SUGCT: variants seen among roughly 807,000 people sequenced by gnomAD.
The protein encoded by SUGCT is succinyl-CoA:glutarate-CoA transferase.
SUGCT carries 41 observed loss-of-function variants against 55.0 expected under a neutral mutation model. The observed-to-expected ratio is 0.74, with a 90% CI of 0.58 to 0.97. SUGCT has a LOEUF of 0.97. Ranked by LOEUF, SUGCT falls within the 50% of genes least tolerant of loss-of-function variation. The pLI is 0.00. For synonymous variants in SUGCT, 187 were observed against 200.4 expected (o/e 0.93, Z 0.56); for missense variants, 568 against 547.8 (o/e 1.04, Z -0.37).
At chr7:40,414,077 T>C (rs1013282377) in intron 9 of SUGCT, among the ~76,000 whole-genome samples, 3 of 152,208 alleles carry the variant, frequency 2.0e-5, no homozygotes, top group African/African-American at 7.2e-5. Context: ...CATTATTTTA[T>C]ATGTGAATAA....
intron 12 of SUGCT, among the ~76,000 whole-genome samples, chr7:40,577,735 AC>A: frequency 6.6e-6 from 1 of 151,902 alleles, no homozygotes; most frequent in Non-Finnish European, 1.5e-5. Context: ...TTTCCAGTAT[AC>A]TTTTTTTTTA....
chr7:40,728,987 T>C (rs1786751725), intron 12 of SUGCT, among the ~76,000 whole-genome samples: 1 of 152,238 alleles, frequency 6.6e-6, no homozygotes, highest in Admixed American at 6.5e-5. Flanking sequence ...TATTTACAGA[T>C]AATTAAACCA....
intron 12 of SUGCT, among the ~76,000 whole-genome samples, chr7:40,582,440 A>T (rs1012924965): frequency 2.0e-5 from 3 of 152,182 alleles, no homozygotes; most frequent in African/African-American, 7.2e-5. Flanking sequence ...CACTATTATA[A>T]TTGAGGCACA....
At chr7:40,284,532 C>T (rs369193503) in intron 8 of SUGCT, among the ~76,000 whole-genome samples, 70 of 148,362 alleles carry the variant, frequency 4.7e-4, no homozygotes, top group African/African-American at 1.1e-3. Context: ...TGCTTGAACC[C>T]GGGAGACAGC....
rs551237693 is a variant in SUGCT, at chr7:40,435,209, T to C, written c.817-14078T>C. Among the ~76,000 whole-genome samples the C allele has an allele frequency of 1.2e-3, 189 of 152,276 alleles. 1 individual carries two copies. The highest frequency in any genetic ancestry group is 4.3e-3 in the African/African-American group (180 of 41,566). On this transcript the variant is annotated intron_variant, in intron 9 of 13. Transcript: ENST00000335693. ...TGGCCATGGTAAGAAGAATGAGAAG[T>C]ATCTAATAAGAAGGACTGAGGTCCT...
chr7:40,199,989 G>T (rs925275328), intron 6 of SUGCT, among the ~76,000 whole-genome samples: 2 of 152,174 alleles, frequency 1.3e-5, no homozygotes, highest in African/African-American at 4.8e-5. Flanking sequence ...ACCCTGGGGA[G>T]TGGGGAGGTA....
At chr7:40,831,034 A>G (rs1792638634) in intron 13 of SUGCT, among the ~76,000 whole-genome samples, 1 of 152,150 alleles carries the variant, frequency 6.6e-6, no homozygotes, top group Non-Finnish European at 1.5e-5. Flanking sequence ...AATTTTGGAG[A>G]TGAGAAAGCT....
At chr7:40,323,948 C>G (rs960163582) in intron 9 of SUGCT, among the ~76,000 whole-genome samples, 2 of 151,898 alleles carry the variant, frequency 1.3e-5, no homozygotes, top group African/African-American at 4.8e-5. Context: ...GAGATGACTA[C>G]CTCACATCTT....
At position 40,522,535 on chromosome 7, in the gene SUGCT, C is replaced by T. The variant is rs145930912; in HGVS notation, c.1089+26149C>T. ...ATCATACTATCCCTGAAAAGAGAAA[C>T]GATGTGTTTTCTGTCTCCTCACTTG... On this transcript the variant is annotated intron_variant, in intron 12 of 13. Coordinates refer to ENST00000335693, the MANE Select transcript of SUGCT (RefSeq NM_001193313.2). Among the ~76,000 whole-genome samples, 351 of 151,982 alleles carry T rather than the reference C, an allele frequency of 2.3e-3. 1 individual carries two copies. Among genetic ancestry groups the T allele is most frequent in the African/African-American group, 7.9e-3 (326 of 41,434 alleles).
At chr7:40,602,792 A>G (rs751424112) in intron 12 of SUGCT, among the ~76,000 whole-genome samples, 1 of 152,124 alleles carries the variant, frequency 6.6e-6, no homozygotes, top group East Asian at 1.9e-4. Flanking sequence ...TTCTAGGTGT[A>G]TGTACTATCT....
At chr7:40,278,786 T>C (rs1792723559) in intron 8 of SUGCT, among the ~76,000 whole-genome samples, 1 of 151,850 alleles carries the variant, frequency 6.6e-6, no homozygotes, top group Non-Finnish European at 1.5e-5. Context: ...TCCTTCCTTA[T>C]GTGGAACTAA....
chr7:41,007,794 G>C, the SUGCT span, among the ~76,000 whole-genome samples: 1 of 125,676 alleles, frequency 8.0e-6, no homozygotes, highest in East Asian at 2.3e-4. Flanking sequence ...CTATGACAAT[G>C]GAATCTTGAA....
chr7:40,896,422 C>G, the SUGCT span, among the ~76,000 whole-genome samples: 2 of 152,118 alleles, frequency 1.3e-5, no homozygotes, highest in Admixed American at 1.3e-4. Flanking sequence ...GCTGTGTCCC[C>G]ACCCAAATCT....
chr7:40,670,594 G>T (rs779686515), intron 12 of SUGCT, among the ~76,000 whole-genome samples: 1 of 151,976 alleles, frequency 6.6e-6, no homozygotes, highest in Non-Finnish European at 1.5e-5. Flanking sequence ...TGCTCAAGCC[G>T]TCCTCAAACT....
At chr7:40,313,742 C>T (rs577452518) in intron 8 of SUGCT, among the ~76,000 whole-genome samples, 3 of 151,148 alleles carry the variant, frequency 2.0e-5, no homozygotes, top group African/African-American at 7.3e-5. Context: ...GTGATCCCCC[C>T]ATCTGTTTTT....
chr7:40,699,684 T>C (rs1811209), intron 12 of SUGCT, among the ~76,000 whole-genome samples: 47,732 of 151,540 alleles, frequency 0.31, 7,819 homozygotes, highest in African/African-American at 0.42. Flanking sequence ...GCCTGGTCAA[T>C]ACGGTGAAAC....
intron 12 of SUGCT, among the ~76,000 whole-genome samples, chr7:40,534,682 G>A (rs559774896): frequency 2.6e-5 from 4 of 152,300 alleles, no homozygotes; most frequent in South Asian, 2.1e-4. Context: ...GCCTCCCAAA[G>A]TGCTGAGATT....
chr7:41,035,505 T>A, the SUGCT span, among the ~76,000 whole-genome samples: 1 of 152,146 alleles, frequency 6.6e-6, no homozygotes, highest in Non-Finnish European at 1.5e-5. Context: ...GTAAGACCCA[T>A]CCCTCTATAC....
the SUGCT span, among the ~76,000 whole-genome samples, chr7:41,036,019 G>C: frequency 6.6e-6 from 1 of 152,220 alleles, no homozygotes; most frequent in Non-Finnish European, 1.5e-5. Context: ...ACAGATGAGC[G>C]TCTTTGTTCA....
Sources: gnomAD v4.1 joint callset for allele counts (sites outside exome capture counted in the v4.1 genomes callset) on GRCh38, gnomAD v4.1.1 for gene constraint, MANE v1.5 for transcripts, NCBI Gene and HGNC (gene_info 2026-07-23, HGNC 2026-07-21) for gene names.